RNF180: variants seen among roughly 807,000 people sequenced by gnomAD.
RNF180 encodes the protein E3 ubiquitin-protein ligase RNF180.
Under a neutral mutation model 59.2 loss-of-function variants are expected in RNF180, and 38 were observed. The observed-to-expected ratio is 0.64, with a 90% CI of 0.50 to 0.84. The LOEUF (loss-of-function observed/expected upper bound fraction) is 0.84. Among genes scored for constraint, RNF180 ranks in the 40% least tolerant of loss-of-function variants. The probability of loss-of-function intolerance (pLI) is 0.00; values close to 1 mark genes in which losing one functional copy is unlikely to be tolerated. For synonymous variants in RNF180, 262 were observed against 240.3 expected, an observed-to-expected ratio of 1.09 and a Z score of -0.84; for missense variants, 705 against 700.9, an observed-to-expected ratio of 1.01 and a Z score of -0.07.
intron 5 of RNF180, among the ~76,000 whole-genome samples, chr5:64,266,195 A>G (rs577359245): frequency 6.6e-6 from 1 of 152,134 alleles, no homozygotes; most frequent in South Asian, 2.1e-4. Context: ...CTCTCTTCCT[A>G]TGTGAATACG....
At chr5:64,295,791 T>G (rs186117238) in intron 5 of RNF180, among the ~76,000 whole-genome samples, 2 of 152,342 alleles carry the variant, frequency 1.3e-5, no homozygotes, top group African/African-American at 2.4e-5. Flanking sequence ...TATGTTGAAG[T>G]ATGATTTTCT....
At chr5:64,299,941 T>C (rs1031449445) in intron 5 of RNF180, among the ~76,000 whole-genome samples, 1 of 151,866 alleles carries the variant, frequency 6.6e-6, no homozygotes, top group Non-Finnish European at 1.5e-5. Flanking sequence ...GCCCAGGATG[T>C]GAATAATCCT....
chr5:64,339,401 C>CTAAT (rs1745269065), intron 7 of RNF180, among the ~76,000 whole-genome samples: 1 of 150,638 alleles, frequency 6.6e-6, no homozygotes, highest in Non-Finnish European at 1.5e-5. Context: ...TTCTTCATTT[C>CTAAT]TAATTATTTT....
chr5:64,197,777 C>G (rs193254522), intron 1 of RNF180, among the ~76,000 whole-genome samples: 108 of 152,246 alleles, frequency 7.1e-4, no homozygotes, highest in African/African-American at 2.5e-3. Context: ...TTATTTTTTA[C>G]TTGAATGATT....
intron 7 of RNF180, among the ~76,000 whole-genome samples, chr5:64,367,225 A>G (rs2112617866): frequency 6.6e-6 from 1 of 151,736 alleles, no homozygotes; most frequent in African/African-American, 2.4e-5. Context: ...GGGGAGTCCT[A>G]TACCTGGAAG....
At chr5:64,203,359 A>T (rs1751849535) in intron 2 of RNF180, among the ~76,000 whole-genome samples, 1 of 152,210 alleles carries the variant, frequency 6.6e-6, no homozygotes, top group Admixed American at 6.5e-5. Context: ...TTTGTAGACC[A>T]TAAAATTCAC....
At position 64,227,099 on chromosome 5, in the gene RNF180, G is replaced by A. The variant is rs187087343; in HGVS notation, c.1227+9703G>A. Among the ~76,000 whole-genome samples the A allele has an allele frequency of 2.3e-3, 343 of 152,286 alleles. 1 individual carries two copies. The highest frequency in any genetic ancestry group is 3.8e-3 in the Non-Finnish European group (261 of 68,034). On this transcript the variant is annotated intron_variant, in intron 5 of 7. Coordinates refer to ENST00000389100, the MANE Select transcript of RNF180 (RefSeq NM_001113561.2). ...CGAGATCGTCAACCACGGCTCCCTCGCTGGGAGGCAGACACAGAGCTGGAG... is the reference window on the plus strand; with the variant it reads ...CGAGATCGTCAACCACGGCTCCCTCACTGGGAGGCAGACACAGAGCTGGAG...
intron 5 of RNF180, among the ~76,000 whole-genome samples, chr5:64,295,979 C>T (rs764260594): frequency 1.4e-4 from 22 of 152,048 alleles, no homozygotes; most frequent in African/African-American, 2.2e-4. Flanking sequence ...CACTTCTGTC[C>T]GCTTGCTTCC....
At chr5:64,207,617 A>G (rs899799587) in intron 2 of RNF180, among the ~76,000 whole-genome samples, 2 of 152,138 alleles carry the variant, frequency 1.3e-5, no homozygotes, top group African/African-American at 4.8e-5. Flanking sequence ...TTATTTTGGT[A>G]ATAGTGTGAA....
chr5:64,174,313 A>G (rs1486125652), intron 1 of RNF180, among the ~76,000 whole-genome samples: 2 of 152,144 alleles, frequency 1.3e-5, no homozygotes, highest in Non-Finnish European at 2.9e-5. Flanking sequence ...TTTCCTTTGG[A>G]TATATACCCA....
At position 64,215,425 on chromosome 5, in the gene RNF180, A is replaced by G. The variant is rs578184249; in HGVS notation, c.1191+908A>G. Among the ~76,000 whole-genome samples the G allele has an allele frequency of 2.6e-5, 4 of 152,316 alleles. No homozygotes were observed. The South Asian group carries it at 6.2e-4, about 24-fold the overall frequency. On this transcript the variant is annotated intron_variant, in intron 4 of 7. Transcript: ENST00000389100. Reference sequence around the variant, plus strand: ...TATGGCTTATTCTAGTTTTGACTCAATGAAATAAAACTACTGCATTGAATG... The same window carrying G: ...TATGGCTTATTCTAGTTTTGACTCAGTGAAATAAAACTACTGCATTGAATG...
At chr5:64,166,333 G>C (rs866534639) in intron 1 of RNF180, 32 of 152,448 alleles carry the variant, frequency 2.1e-4, no homozygotes, top group African/African-American at 6.8e-4. Context: ...CCAGGTCTGA[G>C]GTGGGGAACT....
intron 5 of RNF180, among the ~76,000 whole-genome samples, chr5:64,323,532 G>A (rs564194529): frequency 1.3e-5 from 2 of 151,016 alleles, no homozygotes; most frequent in African/African-American, 4.9e-5. Context: ...AGTAAGACTC[G>A]GTGTCAAAAT....
chr5:64,176,776 G>C (rs1376872055), intron 1 of RNF180, among the ~76,000 whole-genome samples: 2 of 152,156 alleles, frequency 1.3e-5, no homozygotes, highest in Admixed American at 6.5e-5. Context: ...TTTAAAAGCA[G>C]CTTTAAAACA....
At chr5:64,270,394 C>A (rs1741329570) in intron 5 of RNF180, among the ~76,000 whole-genome samples, 1 of 152,156 alleles carries the variant, frequency 6.6e-6, no homozygotes, top group African/African-American at 2.4e-5. Context: ...GTCATCTAAA[C>A]AATAAGCAAA....
At chr5:64,186,882 T>A (rs1380078217) in intron 1 of RNF180, among the ~76,000 whole-genome samples, 2 of 152,152 alleles carry the variant, frequency 1.3e-5, no homozygotes, top group African/African-American at 4.8e-5. Flanking sequence ...TTTGTACAAC[T>A]CTCTTAATTC....
intron 7 of RNF180, among the ~76,000 whole-genome samples, chr5:64,350,583 G>T (rs1745759459): frequency 6.6e-6 from 1 of 152,060 alleles, no homozygotes; most frequent in Admixed American, 6.6e-5. Flanking sequence ...ATGAATTTTT[G>T]TATAAGGTAT....
intron 3 of RNF180, among the ~76,000 whole-genome samples, chr5:64,213,242 A>G (rs147270811): frequency 2.0e-5 from 3 of 152,274 alleles, no homozygotes; most frequent in East Asian, 1.9e-4. Flanking sequence ...CTGGTTCCAT[A>G]GCATATTTTT....
intron 5 of RNF180, among the ~76,000 whole-genome samples, chr5:64,299,157 A>C (rs954468676): frequency 4.6e-5 from 7 of 151,974 alleles, no homozygotes; most frequent in African/African-American, 1.7e-4. Context: ...ATAACCAAGG[A>C]ATCAGGCCCT....
Sources: allele counts gnomAD v4.1 joint callset (sites outside exome capture counted in the v4.1 genomes callset), GRCh38; gene constraint gnomAD v4.1.1; transcripts MANE v1.5; gene names NCBI Gene and HGNC (gene_info 2026-07-23, HGNC 2026-07-21).